Variants in MOV10L1 observed in about 807,000 individuals in gnomAD.
MOV10L1 encodes the protein Mov10 like RNA helicase 1, also known as RNA helicase Mov10l1.
MOV10L1 carries 110 observed loss-of-function variants against 143.8 expected under a neutral mutation model. The observed-to-expected ratio is 0.76, with a 90% CI of 0.66 to 0.90. The LOEUF (loss-of-function observed/expected upper bound fraction) is 0.90, where lower values mean the gene tolerates loss of function less well. Among genes scored for constraint, MOV10L1 ranks in the 40% least tolerant of loss-of-function variants. The pLI is 0.00. For synonymous variants in MOV10L1, 593 were observed against 581.1 expected, an observed-to-expected ratio of 1.02 and a Z score of -0.29; for missense variants, 1,406 against 1,526.8, an observed-to-expected ratio of 0.92 and a Z score of 1.32.
At chr22:50,095,943 A>G (rs989452443) in intron 2 of MOV10L1, 24 of 152,152 alleles carry the variant, frequency 1.6e-4, no homozygotes, top group African/African-American at 5.8e-4. Flanking sequence ...TGGAAAATAC[A>G]GTTTCTGTGT....
At chr22:50,118,250 C>T (rs2062237582) in intron 9 of MOV10L1, among the ~76,000 whole-genome samples, 1 of 152,164 alleles carries the variant, frequency 6.6e-6, no homozygotes, top group Admixed American at 6.5e-5. Context: ...GCACCACCAC[C>T]AAGAAGCTGT....
Position 50,108,238 on chromosome 22 carries a change from G to A in MOV10L1, c.545G>A (p.Arg182His), listed in dbSNP as rs1280251259. 18 of 1,613,360 alleles carry A rather than the reference G, an allele frequency of 1.1e-5. 1 individual carries two copies. The highest frequency in any genetic ancestry group is 5.0e-5 in the Admixed American group (3 of 59,934). Residue 182 changes from arginine (R) to histidine (H), a missense_variant, in exon 4 of 27, where the codon CGC (arginine) becomes CAC (histidine). By Grantham distance (29) the Arg-to-His change is conservative. This residue lies in a region of MOV10L1 where 1,233 missense variants were observed against 1,351.4 expected (regional missense o/e 0.91). Transcript: ENST00000262794. ...ATSVKPLRYKRVDKVCISSLC... is the reference protein window; with the variant it reads ...ATSVKPLRYKHVDKVCISSLC... Reference sequence around the variant, plus strand: ...TCAGTGAAGCCACTGAGATACAAGCGCGTGGACAAGGTAGCGTGCCGACTA... The same window carrying A: ...TCAGTGAAGCCACTGAGATACAAGCACGTGGACAAGGTAGCGTGCCGACTA...
At chr22:50,090,531 G>C in intron 1 of MOV10L1, 1 of 1,604,242 alleles carries the variant, frequency 6.2e-7, no homozygotes, top group Non-Finnish European at 8.5e-7. Flanking sequence ...AGAAAGCCCC[G>C]AAAAACGCGG....
chr22:50,161,070 T>C lies in MOV10L1; in HGVS notation c.3554+15T>C. On this transcript the variant is annotated intron_variant, in intron 26 of 26. Transcript: ENST00000262794. ...TCTCTGCAAAAGTGAGCGCTTCTGC[T>C]GTCTTCCTCAAAGACAGGCTGGCTC... 1 of 1,611,640 alleles carries C rather than the reference T, an allele frequency of 6.2e-7. No individual in the cohort carries two copies. Among genetic ancestry groups the C allele is most frequent in the Non-Finnish European group, 8.5e-7 (1 of 1,178,032 alleles).
Position 50,092,124 on chromosome 22 carries a change from G to A in MOV10L1, c.221G>A (p.Gly74Glu). The A allele has an allele frequency of 1.2e-6, 2 of 1,614,182 alleles. No individual in the cohort carries two copies. The highest frequency in any genetic ancestry group is 4.5e-5 in the East Asian group (2 of 44,888). Residue 74 changes from glycine to glutamate, a missense_variant, in exon 2 of 27, where the codon GGA (glycine) becomes GAA (glutamate). Around this residue, in one of 3 missense-constraint regions of MOV10L1, gnomAD observed 166 missense variants for 153.9 expected, o/e 1.08. Transcript: ENST00000262794. ...AVTSRVLLNV[G>E]QEVIAVVEEN... ...ACTAGCAGAGTGCTTCTGAATGTTGGACAGGAAGTGATTGCAGTTGTGGAA... is the reference window on the plus strand; with the variant it reads ...ACTAGCAGAGTGCTTCTGAATGTTGAACAGGAAGTGATTGCAGTTGTGGAA...
Position 50,109,291 on chromosome 22 carries a change from G to A in MOV10L1, c.743+447G>A, listed in dbSNP as rs752992944. ...AGCATCCCTAGCACTTCAGGAGGCC[G>A]TGGCAGGAGAATTGCCTGAGCCCAG... On this transcript the variant is annotated intron_variant, in intron 5 of 26. Coordinates refer to ENST00000262794, the MANE Select transcript of MOV10L1 (RefSeq NM_018995.3). Among the ~76,000 whole-genome samples, 11 of 152,226 alleles carry A rather than the reference G, an allele frequency of 7.2e-5. No individual in the cohort carries two copies. In the Middle Eastern group the frequency reaches 0.017, roughly 235 times the overall value.
At chr22:50,133,622 C>T (rs911660066) in intron 13 of MOV10L1, among the ~76,000 whole-genome samples, 5 of 151,958 alleles carry the variant, frequency 3.3e-5, no homozygotes, top group African/African-American at 1.2e-4. Flanking sequence ...CTTACTGCAA[C>T]CTCTGCCTCC....
intron 3 of MOV10L1, among the ~76,000 whole-genome samples, chr22:50,104,298 G>C (rs556122481): frequency 5.3e-5 from 8 of 152,346 alleles, no homozygotes; most frequent in Admixed American, 5.2e-4. Context: ...ACAGTCCGGT[G>C]CCTTCTGTCT....
intron 11 of MOV10L1, among the ~76,000 whole-genome samples, chr22:50,125,779 T>TTTTG (rs765365450): frequency 1.3e-4 from 18 of 141,892 alleles, no homozygotes; most frequent in South Asian, 1.1e-3. Context: ...CCAGTAATGT[T>TTTTG]TTTGTTTGTT....
At chr22:50,144,351 C>T (rs567619732) in intron 18 of MOV10L1, 108 bp downstream of exon 18, 1 of 1,337,446 alleles carries the variant, frequency 7.5e-7, no homozygotes, top group African/African-American at 1.5e-5. Context: ...CACAGAGGCG[C>T]CACAGAAAGC....
At chr22:50,096,627 C>T (rs893041648) in intron 2 of MOV10L1, among the ~76,000 whole-genome samples, 7 of 152,208 alleles carry the variant, frequency 4.6e-5, no homozygotes, top group Non-Finnish European at 8.8e-5. Flanking sequence ...TGTATCCTTG[C>T]CAACACTTGC....
chr22:50,090,404 C>T lies in MOV10L1; in HGVS notation c.97+219C>T, dbSNP rs181326638. 7 of 1,568,550 alleles carry T rather than the reference C, an allele frequency of 4.5e-6. No homozygotes were observed. In the Admixed American group the frequency reaches 9.4e-5, roughly 21 times the overall value. The stretch of plus-strand genomic sequence containing the variant: ...GGCGCCCGTCCTCTGTGAGGTCTCT[C>T]CGGTGACACCAGCCCCTCTTCCCGC... On this transcript the variant is annotated intron_variant, in intron 1 of 26. Coordinates refer to ENST00000262794, the MANE Select transcript of MOV10L1 (RefSeq NM_018995.3).
chr22:50,145,848 A>G (rs1354059170), intron 19 of MOV10L1, 38 bp downstream of exon 19: 5 of 1,610,838 alleles, frequency 3.1e-6, no homozygotes, highest in Non-Finnish European at 4.2e-6. Flanking sequence ...GGGGCCTCCC[A>G]GGGCAGAGGT....
intron 18 of MOV10L1, among the ~76,000 whole-genome samples, chr22:50,145,376 T>C (rs922162357): frequency 3.9e-5 from 6 of 152,134 alleles, no homozygotes; most frequent in Admixed American, 1.3e-4. Context: ...GAGCCGAGAT[T>C]GCACCATTGC....
chr22:50,154,973 T>G (rs560511011), intron 22 of MOV10L1, among the ~76,000 whole-genome samples: 1 of 152,296 alleles, frequency 6.6e-6, no homozygotes, highest in South Asian at 2.1e-4. Context: ...GGGAGTCAGT[T>G]TGCTTTTAGT....
chr22:50,090,219 C>T (rs1454202003), intron 1 of MOV10L1, 34 bp downstream of exon 1: 60 of 1,410,386 alleles, frequency 4.3e-5, no homozygotes, highest in Middle Eastern at 2.6e-4. Flanking sequence ...AGGCGGGTCC[C>T]GGGCCCTCGC....
rs757878021 is a variant in MOV10L1 at position 50,158,215 on chromosome 22, T to C, written c.3216+9T>C. 2 of 1,613,984 alleles carry C rather than the reference T, an allele frequency of 1.2e-6. No individual in the cohort carries two copies. The highest frequency in any genetic ancestry group is 2.2e-5 in the South Asian group (2 of 91,076). ...CGCCCTACCGGAAGCAGGTACGCCC[T>C]GCCCAGGCACGCCTGGTTCTGTGAG... On this transcript the variant is annotated intron_variant, in intron 23 of 26. Coordinates refer to ENST00000262794, the MANE Select transcript of MOV10L1 (RefSeq NM_018995.3). This position sits in a 1 kb window ranked among gnomAD's most constrained non-coding sequence, Gnocchi z 5.0.
intron 2 of MOV10L1, among the ~76,000 whole-genome samples, chr22:50,098,267 A>AATAATTATTAAGATTAACATCTTAATC (rs2062646239): frequency 1.2e-5 from 1 of 83,630 alleles, no homozygotes; most frequent in Non-Finnish European, 3.2e-5. Flanking sequence ...ACATCTTAAT[A>AATAATTATTAAGATTAACATCTTAATC]ATCACATAAT....
At position 50,158,176 on chromosome 22, in the gene MOV10L1, C is replaced by T. The variant is rs2063475113; in HGVS notation, c.3186C>T (p.Asp1062=). The change falls in exon 23 of 27, where the codon GAC becomes GAT. Residue 1062 remains aspartate, a synonymous_variant. Coordinates refer to ENST00000262794, the MANE Select transcript of MOV10L1 (RefSeq NM_018995.3). This position sits in a 1 kb window ranked among gnomAD's most constrained non-coding sequence, Gnocchi z 5.0. ...TCTCCAGTCAGGTGTCTGCCAGCGA[C>T]ATTGGCGTCATCACGCCCTACCGGA... ...HSISSQVSAS[D]IGVITPYRKQ... is the part of the protein sequence containing the mutation. 7.4e-6 allele frequency: 12 copies of T among 1,614,068 alleles called. No individual in the cohort carries two copies. The highest frequency in any genetic ancestry group is 1.7e-5 in the Admixed American group (1 of 60,018).
Sources: gnomAD v4.1 joint callset for allele counts (sites outside exome capture counted in the v4.1 genomes callset) on GRCh38, gnomAD v4.1.1 for gene constraint, gnomAD v4.1.1 regional missense constraint, Gnocchi (gnomAD v3.1) non-coding constraint, MANE v1.5 for transcripts, NCBI Gene and HGNC (gene_info 2026-07-23, HGNC 2026-07-21) for gene names.